Variants in CDIN1 observed in about 807,000 individuals in gnomAD.
CDIN1 encodes CDAN1 interacting nuclease 1, also known as CDAN1-interacting nuclease 1.
Under a neutral mutation model 45.3 loss-of-function variants are expected in CDIN1, and 33 were observed. The observed-to-expected ratio is 0.73, with a 90% CI of 0.55 to 0.97. CDIN1 has a LOEUF of 0.97. Ranked by LOEUF, CDIN1 falls within the 50% of genes least tolerant of loss-of-function variation. CDIN1 has a pLI of 0.00. For synonymous variants in CDIN1, 118 were observed against 124.4 expected, an observed-to-expected ratio of 0.95 and a Z score of 0.34; for missense variants, 303 against 339.4, an observed-to-expected ratio of 0.89 and a Z score of 0.84.
At chr15:36,745,694 A>C (rs2044396710) in intron 10 of CDIN1, among the ~76,000 whole-genome samples, 2 of 152,160 alleles carry the variant, frequency 1.3e-5, no homozygotes, top group Non-Finnish European at 2.9e-5. Flanking sequence ...GGCCGGGTGC[A>C]GTGGCTCATG....
intron 3 of CDIN1, 59 bp from the exon 4 acceptor site, chr15:36,654,039 A>G: frequency 7.7e-7 from 1 of 1,305,238 alleles, no homozygotes; most frequent in Non-Finnish European, 1.1e-6. Flanking sequence ...GGGGATGCTG[A>G]CAAGTCTATG....
chr15:36,755,326 G>T (rs1356839646), intron 10 of CDIN1, among the ~76,000 whole-genome samples: 2 of 152,066 alleles, frequency 1.3e-5, no homozygotes, highest in Non-Finnish European at 2.9e-5. Context: ...CAATTTAATA[G>T]CTTTTTAGGT....
intron 1 of CDIN1, chr15:36,619,288 A>C (rs2039040795): frequency 2.0e-6 from 2 of 986,130 alleles, no homozygotes; most frequent in Non-Finnish European, 2.8e-6. Flanking sequence ...AAAACTATTC[A>C]AAAACTTCTC....
chr15:36,793,838 A>C (rs77142004), intron 10 of CDIN1, among the ~76,000 whole-genome samples: 8,669 of 152,198 alleles, frequency 0.057, 307 homozygotes, highest in South Asian at 0.12. Flanking sequence ...CTCTGCCTTA[A>C]AGGCCAGCAT....
intron 5 of CDIN1, among the ~76,000 whole-genome samples, chr15:36,675,950 T>C (rs2041634243): frequency 1.3e-5 from 2 of 151,430 alleles, no homozygotes; most frequent in Admixed American, 1.3e-4. Flanking sequence ...GAATTTTGAC[T>C]TTTTTTTTGG....
At chr15:36,699,142 C>A (rs2042541226) in intron 8 of CDIN1, among the ~76,000 whole-genome samples, 1 of 152,110 alleles carries the variant, frequency 6.6e-6, no homozygotes, top group Non-Finnish European at 1.5e-5. Flanking sequence ...GAAGTTTATG[C>A]AACCTGAGTC....
chr15:36,782,127 T>C (rs1367508867), intron 10 of CDIN1, among the ~76,000 whole-genome samples: 1 of 152,190 alleles, frequency 6.6e-6, no homozygotes, highest in African/African-American at 2.4e-5. Flanking sequence ...CCTTGACTTT[T>C]CAAGAGTGTC....
At chr15:36,660,853 T>TA (rs1385051947) in intron 5 of CDIN1, among the ~76,000 whole-genome samples, 1 of 152,230 alleles carries the variant, frequency 6.6e-6, no homozygotes, top group East Asian at 1.9e-4. Flanking sequence ...TATTACTACA[T>TA]AAAGCTGGTC....
chr15:36,788,075 C>CATACATAT (rs1459606197), intron 10 of CDIN1, among the ~76,000 whole-genome samples: 1 of 56,152 alleles, frequency 1.8e-5, no homozygotes, highest in African/African-American at 7.7e-5. Flanking sequence ...TAATTTTATA[C>CATACATAT]ATATATATAT....
chr15:36,757,411 G>A (rs1370560176), intron 10 of CDIN1, among the ~76,000 whole-genome samples: 5 of 152,118 alleles, frequency 3.3e-5, no homozygotes, highest in Non-Finnish European at 5.9e-5. Flanking sequence ...CTCTTTTCTC[G>A]CTTGCTATCA....
chr15:36,659,432 A>G (rs6495864), intron 5 of CDIN1, among the ~76,000 whole-genome samples: 108,329 of 152,038 alleles, frequency 0.71, 39,494 homozygotes, highest in African/African-American at 0.88. Flanking sequence ...GGACATGAGC[A>G]TATTTAGAAA....
At chr15:36,753,947 T>G (rs1325455247) in intron 10 of CDIN1, among the ~76,000 whole-genome samples, 21 of 152,172 alleles carry the variant, frequency 1.4e-4, no homozygotes, top group Admixed American at 1.4e-3. Flanking sequence ...CAGGTAATAC[T>G]GGAGAAATGC....
intron 5 of CDIN1, among the ~76,000 whole-genome samples, chr15:36,665,248 C>CATGCATTGTGT (rs1566880447): frequency 6.6e-6 from 1 of 152,046 alleles, no homozygotes; most frequent in African/African-American, 2.4e-5. Context: ...TAAATATTAA[C>CATGCATTGTGT]GGTAATGATT....
chr15:36,754,198 T>C (rs1223444702), intron 10 of CDIN1, among the ~76,000 whole-genome samples: 4 of 152,116 alleles, frequency 2.6e-5, no homozygotes, highest in African/African-American at 7.2e-5. Flanking sequence ...CCAGTCTTCA[T>C]AATGGAGGTC....
At chr15:36,609,802 A>C (rs1426668554) in intron 1 of CDIN1, among the ~76,000 whole-genome samples, 2 of 152,190 alleles carry the variant, frequency 1.3e-5, no homozygotes, top group African/African-American at 2.4e-5. Flanking sequence ...CAGTTTGTCC[A>C]TGTGGATAGA....
At chr15:36,691,943 T>C (rs879257859) in intron 6 of CDIN1, among the ~76,000 whole-genome samples, 179 bp downstream of exon 6, 5 of 147,798 alleles carry the variant, frequency 3.4e-5, no homozygotes, top group African/African-American at 1.2e-4. Context: ...CTTGCTTTTA[T>C]AGTGAATAAA....
chr15:36,743,834 A>T (rs1277524945), intron 10 of CDIN1, among the ~76,000 whole-genome samples: 4 of 151,948 alleles, frequency 2.6e-5, no homozygotes, highest in African/African-American at 9.7e-5. Context: ...GCCTGCAGTA[A>T]ATCATGATCA....
chr15:36,782,894 A>G (rs2054388073), intron 10 of CDIN1, among the ~76,000 whole-genome samples: 1 of 152,182 alleles, frequency 6.6e-6, no homozygotes, highest in African/African-American at 2.4e-5. Flanking sequence ...AGAAGAAAAG[A>G]GTTCTGCCAG....
intron 10 of CDIN1, among the ~76,000 whole-genome samples, chr15:36,720,021 G>T (rs1167693526): frequency 6.6e-6 from 1 of 151,220 alleles, no homozygotes; most frequent in Non-Finnish European, 1.5e-5. Context: ...CTGCCTAGAG[G>T]TTTATCCATT....
Sources: gnomAD v4.1 joint callset for allele counts (sites outside exome capture counted in the v4.1 genomes callset) on GRCh38, gnomAD v4.1.1 for gene constraint, MANE v1.5 for transcripts, NCBI Gene and HGNC (gene_info 2026-07-23, HGNC 2026-07-21) for gene names.